The following PDXDC1 variants were observed in gnomAD, a reference collection of about 807,000 sequenced individuals.
The protein encoded by PDXDC1 is pyridoxal dependent decarboxylase domain containing 1.
PDXDC1 carries 42 observed loss-of-function variants against 100.1 expected under a neutral mutation model. The ratio of observed to expected loss-of-function variants is 0.42; its 90% CI spans 0.33 to 0.54. The LOEUF (loss-of-function observed/expected upper bound fraction) is 0.54. PDXDC1 is among the 20% of genes least tolerant of loss of function. The pLI is 0.10. For missense variants in PDXDC1, 636 were observed against 979.2 expected (o/e 0.65, Z 4.68); for synonymous variants, 260 against 371.7 (o/e 0.70, Z 3.46).
intron 16 of PDXDC1, chr16:15,104,804 G>T (rs772666706): frequency 1.3e-6 from 2 of 1,547,204 alleles, no homozygotes; most frequent in South Asian, 2.3e-5. Context: ...TTCATTTGAT[G>T]GACAAAATTA....
chr16:15,046,106 C>T (rs1403796114), intron 16 of PDXDC1: 1 of 152,238 alleles, frequency 6.6e-6, no homozygotes, highest in African/African-American at 2.4e-5. Context: ...ATTACGTCCC[C>T]CTGCGGGGGC....
intron 6 of PDXDC1, among the ~76,000 whole-genome samples, chr16:15,006,888 T>G (rs945800025): frequency 1.3e-5 from 2 of 152,288 alleles, no homozygotes; most frequent in Non-Finnish European, 2.9e-5. Context: ...AATATATCAT[T>G]TTAATAATAA....
At chr16:15,038,702 G>GTCAAGGATAGAAT (rs774252471), downstream of PDXDC1, 74 of 1,398,502 alleles carry the variant, frequency 5.3e-5, no homozygotes, top group African/African-American at 9.7e-4. Flanking sequence ...AAAAGAACGT[G>GTCAAGGATAGAAT]TCAAGGATAG....
chr16:14,988,123 G>C lies in PDXDC1; in HGVS notation c.22-9630G>C. The stretch of plus-strand genomic sequence containing the variant: ...TGCAAACTCTGGTGTATCCACACTC[G>C]CTTCTGCGTCACTGGTTTCCCCCAA... On this transcript the variant is annotated intron_variant, in intron 1 of 22. Coordinates refer to ENST00000396410, the MANE Select transcript of PDXDC1 (RefSeq NM_015027.4). 5.4e-6 allele frequency: 7 copies of C among 1,285,196 alleles called. No individual in the cohort carries two copies. In the South Asian group the frequency reaches 6.2e-5, roughly 11 times the overall value. 79.6% of individuals were successfully genotyped at this position (1,285,196 alleles called of 1,614,324 possible). A position where few individuals can be genotyped will look rare whatever the true frequency, so the allele number is the denominator to read the frequency against.
chr16:15,040,814 T>C (rs1327658504), downstream of PDXDC1, among the ~76,000 whole-genome samples: 1 of 152,102 alleles, frequency 6.6e-6, no homozygotes, highest in African/African-American at 2.4e-5. Flanking sequence ...AGGGTGGGCA[T>C]GGCCTGTCCT....
Position 15,030,090 on chromosome 16 carries a change from G to C in PDXDC1, c.1399+34G>C, listed in dbSNP as rs372704698. On this transcript the variant is annotated intron_variant, in intron 16 of 22. Coordinates refer to ENST00000396410, the MANE Select transcript of PDXDC1 (RefSeq NM_015027.4). The stretch of plus-strand genomic sequence containing the variant: ...GGCTTGGTGGACATCCCTTGCTTTT[G>C]TTCTGGGGCTGCTGGGTAGATTAGC... 4.8e-5 allele frequency: 73 copies of C among 1,532,868 alleles called. No homozygotes were observed. The African/African-American group carries it at 9.7e-4, about 20-fold the overall frequency. 95.0% of individuals were successfully genotyped at this position (1,532,868 alleles called of 1,614,324 possible).
Position 14,997,816 on chromosome 16 carries a change from G to A in PDXDC1, c.85G>A (p.Asp29Asn), listed in dbSNP as rs760852852. 6.2e-7 allele frequency: 1 copy of A among 1,608,372 alleles called. No individual in the cohort carries two copies. Among genetic ancestry groups the A allele is most frequent in the East Asian group, 2.3e-5 (1 of 44,138 alleles). Reference protein sequence around the residue: ...NLKEAVKMLEDSQRRTEEENG... With the variant: ...NLKEAVKMLENSQRRTEEENG... ...GAAGGAGGCAGTGAAGATGCTGGAGGACAGTCAGAGGTGAGTAGGACAGAG... is the reference window on the plus strand; with the variant it reads ...GAAGGAGGCAGTGAAGATGCTGGAGAACAGTCAGAGGTGAGTAGGACAGAG... Residue 29 changes from aspartate (D) to asparagine (N), a missense_variant, in exon 2 of 23, where the codon GAC (aspartate) becomes AAC (asparagine). By Grantham distance (23) the Asp-to-Asn change is conservative. This residue lies in a region of PDXDC1 where 125 missense variants were observed against 479.9 expected (regional missense o/e 0.26). Coordinates refer to ENST00000396410, the MANE Select transcript of PDXDC1 (RefSeq NM_015027.4).
chr16:14,995,903 T>C (rs1177710719), intron 1 of PDXDC1, among the ~76,000 whole-genome samples: 1 of 152,298 alleles, frequency 6.6e-6, no homozygotes, highest in African/African-American at 2.4e-5. Flanking sequence ...TATCCATTTC[T>C]TCTAGATTTT....
intron 16 of PDXDC1, chr16:15,047,872 A>G (rs752821649): frequency 1.2e-6 from 2 of 1,613,550 alleles, no homozygotes; most frequent in Non-Finnish European, 1.7e-6. Context: ...CCTCAGGACC[A>G]CAATGTGACA....
intron 16 of PDXDC1, among the ~76,000 whole-genome samples, chr16:15,075,264 A>C (rs1448620483): frequency 1.3e-5 from 2 of 151,642 alleles, no homozygotes; most frequent in African/African-American, 4.8e-5. Flanking sequence ...AAAAAAAAAA[A>C]AAAACTAAAC....
chr16:15,149,553 G>A, the PDXDC1 span, among the ~76,000 whole-genome samples: 7 of 152,272 alleles, frequency 4.6e-5, no homozygotes, highest in African/African-American at 1.2e-4. Context: ...CTTCCCCGAC[G>A]CCAATCCCAG....
At chr16:15,022,140 A>G (rs2042255100) in intron 12 of PDXDC1, among the ~76,000 whole-genome samples, 1 of 152,300 alleles carries the variant, frequency 6.6e-6, no homozygotes. Context: ...TAATGACACT[A>G]CATTCTAGAC....
chr16:15,013,348 CA>C (rs1310266362), intron 8 of PDXDC1, among the ~76,000 whole-genome samples: 3 of 111,822 alleles, frequency 2.7e-5, no homozygotes. Context: ...GACCCTATCT[CA>C]AAAAAAAAAG....
At chr16:15,105,209 T>G (rs1339429444) in intron 16 of PDXDC1, among the ~76,000 whole-genome samples, 4 of 127,634 alleles carry the variant, frequency 3.1e-5, no homozygotes, top group African/African-American at 1.2e-4. Context: ...TGTTGCAGCT[T>G]CTTTTTGGAG....
chr16:15,032,078 A>G (rs149408940), intron 17 of PDXDC1, 172 bp downstream of exon 17: 80 of 631,436 alleles, frequency 1.3e-4, no homozygotes, highest in African/African-American at 1.3e-3. Flanking sequence ...CAAGCAGGCA[A>G]TTTGGCCAGC....
chr16:15,037,206 C>G lies in PDXDC1; in HGVS notation c.*931C>G, dbSNP rs903621925. 6.6e-6 allele frequency: 1 copy of G among 152,264 alleles called. No individual in the cohort carries two copies. The highest frequency in any genetic ancestry group is 1.5e-5 in the Non-Finnish European group (1 of 68,052). The allele number at this position is 152,264 out of a possible 1,614,324, so 9.4% of individuals were successfully genotyped here. A position where few individuals can be genotyped will look rare whatever the true frequency, so the allele number is the denominator to read the frequency against. On this transcript the variant is annotated 3_prime_UTR_variant, in exon 23 of 23. Transcript: ENST00000396410. ...CAGGAGCCAGCAGAGCACTCTCTCACGCTGATCCAGCCGGGCACCCTGCTT... is the reference window on the plus strand; with the variant it reads ...CAGGAGCCAGCAGAGCACTCTCTCAGGCTGATCCAGCCGGGCACCCTGCTT...
Position 14,998,529 on chromosome 16 carries a change from C to T in PDXDC1, c.161+124C>T, listed in dbSNP as rs1411300699. 10 of 1,014,242 alleles carry T rather than the reference C, an allele frequency of 9.9e-6. No homozygotes were observed. In the East Asian group the frequency reaches 2.7e-4, roughly 28 times the overall value. 62.8% of individuals were successfully genotyped at this position (1,014,242 alleles called of 1,614,324 possible). ...GCACAATCTGGGCTCGCTGCAACCTCCGCCTCCCGGGTTCAAGCAGTTCTT... is the reference window on the plus strand; with the variant it reads ...GCACAATCTGGGCTCGCTGCAACCTTCGCCTCCCGGGTTCAAGCAGTTCTT... On this transcript the variant is annotated intron_variant, in intron 3 of 22. Coordinates refer to ENST00000396410, the MANE Select transcript of PDXDC1 (RefSeq NM_015027.4).
intron 16 of PDXDC1, chr16:15,109,197 C>G (rs2046925389): frequency 6.7e-6 from 1 of 148,614 alleles, no homozygotes; most frequent in African/African-American, 2.4e-5. Flanking sequence ...GTAATATGAC[C>G]AAAACATGAA....
At position 15,092,447 on chromosome 16, in the gene PDXDC1, T is replaced by A; in HGVS notation, c.1400-46432T>A. On this transcript the variant is annotated intron_variant, in intron 16 of 16. Transcript: ENST00000535621. Reference sequence around the variant, plus strand: ...TTGCTATTTCTATTGGTCTTTAGTATAACAGCAATAGTTGTATTCTGACCT... The same window carrying A: ...TTGCTATTTCTATTGGTCTTTAGTAAAACAGCAATAGTTGTATTCTGACCT... 3 of 972,656 alleles carry A rather than the reference T, an allele frequency of 3.1e-6. No individual in the cohort carries two copies. The South Asian group carries it at 4.0e-5, about 13-fold the overall frequency. 60.3% of individuals were successfully genotyped at this position (972,656 alleles called of 1,614,324 possible). A position where few individuals can be genotyped will look rare whatever the true frequency, so the allele number is the denominator to read the frequency against.
Sources: allele counts gnomAD v4.1 joint callset (sites outside exome capture counted in the v4.1 genomes callset), GRCh38; gene constraint gnomAD v4.1.1; regional missense constraint gnomAD v4.1.1; transcripts MANE v1.5; gene names NCBI Gene and HGNC (gene_info 2026-07-23, HGNC 2026-07-21).